The following CD8A variants were observed in gnomAD, a reference collection of about 807,000 sequenced individuals.
The protein encoded by CD8A is T-cell surface glycoprotein CD8 alpha chain.
A neutral mutation model predicts 24.2 loss-of-function variants in CD8A; 25 were observed. That is an observed-to-expected ratio of 1.03 (90% confidence interval 0.75 to 1.44). CD8A has a LOEUF of 1.44. Among genes scored for constraint, CD8A ranks in the 40% most tolerant of loss-of-function variants. The pLI is 0.00. For synonymous variants in CD8A, 165 were observed against 149.9 expected (o/e 1.10, Z -0.74); for missense variants, 360 against 319.7 (o/e 1.13, Z -0.96).
intron 3 of CD8A, among the ~76,000 whole-genome samples, chr2:86,798,701 T>G (rs1673565027): frequency 6.6e-6 from 1 of 151,964 alleles, no homozygotes; most frequent in Non-Finnish European, 1.5e-5. Context: ...TTTTATATTT[T>G]TAGTAGAGAT....
chr2:86,793,243 G>A (rs1316224851), upstream of CD8A, among the ~76,000 whole-genome samples: 4 of 152,192 alleles, frequency 2.6e-5, no homozygotes, highest in African/African-American at 4.8e-5. Flanking sequence ...TGCTGTTAGT[G>A]GACATTTAGG....
upstream of CD8A, among the ~76,000 whole-genome samples, chr2:86,794,110 C>A (rs1381165385): frequency 6.6e-6 from 1 of 152,182 alleles, no homozygotes; most frequent in East Asian, 1.9e-4. Context: ...CTGTCCATCA[C>A]TGCCAGGTAA....
intron 3 of CD8A, among the ~76,000 whole-genome samples, chr2:86,799,145 G>A (rs1019346489): frequency 2.0e-5 from 3 of 152,138 alleles, no homozygotes; most frequent in Non-Finnish European, 4.4e-5. Flanking sequence ...ATAATTTTAA[G>A]GAAATTGTTT....
chr2:86,789,019 G>A (rs1351264201), intron 4 of CD8A, among the ~76,000 whole-genome samples: 1 of 152,222 alleles, frequency 6.6e-6, no homozygotes, highest in African/African-American at 2.4e-5. Context: ...CCCCCTCCCG[G>A]CGGGCGTTTG....
chr2:86,786,786 C>T (rs1005689571), intron 5 of CD8A, among the ~76,000 whole-genome samples: 6 of 151,944 alleles, frequency 3.9e-5, no homozygotes, highest in Admixed American at 1.3e-4. Context: ...TTTGGGAGGC[C>T]AAGGCGGGCG....
chr2:86,786,261 C>T (rs1417298961), intron 5 of CD8A, among the ~76,000 whole-genome samples: 1 of 152,156 alleles, frequency 6.6e-6, no homozygotes, highest in East Asian at 1.9e-4. Flanking sequence ...GGATCTAAAC[C>T]GAGTTAGTCT....
At chr2:86,790,209 A>G in intron 2 of CD8A, 119 bp downstream of exon 2, 3 of 770,814 alleles carry the variant, frequency 3.9e-6, no homozygotes, top group Admixed American at 3.9e-5. Context: ...AAATGGGAAC[A>G]GTATCTAAGT....
At chr2:86,786,496 C>T (rs891464416) in intron 5 of CD8A, among the ~76,000 whole-genome samples, 5 of 152,230 alleles carry the variant, frequency 3.3e-5, no homozygotes, top group African/African-American at 2.4e-5. Context: ...GTCATGTCTG[C>T]ACTCTCAGCC....
At position 86,790,279 on chromosome 2, in the gene CD8A, G is replaced by A. The variant is rs761820696; in HGVS notation, c.403+49C>T. ...GCCCAGGTGTGGAAAACAGGTTGAG[G>A]TGAACCCCAAGCCCCACGCGGAGAG... On this transcript the variant is annotated intron_variant, in intron 2 of 5. Transcript: ENST00000283635. 1.2e-5 allele frequency: 17 copies of A among 1,371,586 alleles called. No homozygotes were observed. In the South Asian group the frequency reaches 2.0e-4, roughly 16 times the overall value. The allele number at this position is 1,371,586 out of a possible 1,614,324, so 85.0% of individuals were successfully genotyped here.
At chr2:86,807,494 G>A (rs55814938) in exon 2 of CD8A, 2,144 of 152,542 alleles carry the variant, frequency 0.014, 46 homozygotes, top group African/African-American at 0.049. Context: ...GCAATGGATA[G>A]GAGCTATGTG....
intron 3 of CD8A, among the ~76,000 whole-genome samples, chr2:86,796,380 C>A (rs1673484350): frequency 6.6e-6 from 1 of 152,140 alleles, no homozygotes; most frequent in Non-Finnish European, 1.5e-5. Flanking sequence ...AGTATAAAAA[C>A]ATATACATCT....
chr2:86,806,491 A>T (rs1408052150), intron 2 of CD8A, among the ~76,000 whole-genome samples: 4 of 152,254 alleles, frequency 2.6e-5, no homozygotes, highest in Non-Finnish European at 5.9e-5. Flanking sequence ...TTGTGGGGAC[A>T]GACTGAAGAG....
chr2:86,799,166 C>A (rs1228081359), intron 3 of CD8A, among the ~76,000 whole-genome samples: 1 of 152,196 alleles, frequency 6.6e-6, no homozygotes, highest in Non-Finnish European at 1.5e-5. Context: ...TCCAGATTCT[C>A]AACTCCCATT....
At chr2:86,793,844 G>A (rs1673393151), upstream of CD8A, among the ~76,000 whole-genome samples, 2 of 152,186 alleles carry the variant, frequency 1.3e-5, no homozygotes, top group Admixed American at 1.3e-4. Flanking sequence ...TTCTAGCCCT[G>A]CAGCTCAGAA....
Position 86,789,244 on chromosome 2 carries a change from G to C in CD8A, c.625+79C>G, listed in dbSNP as rs922958461. ...AAACTCAACCCCAAGCTCCCCCCTC[G>C]CAAGGTCCGCCTGGAGCTAGCAGAG... is the stretch of plus-strand genomic sequence containing the variant. On this transcript the variant is annotated intron_variant, in intron 4 of 5. Transcript: ENST00000283635. The C allele has an allele frequency of 6.3e-6, 6 of 950,328 alleles. No homozygotes were observed. The African/African-American group carries it at 8.0e-5, about 13-fold the overall frequency. 58.9% of individuals were successfully genotyped at this position (950,328 alleles called of 1,614,324 possible).
At chr2:86,797,897 A>T (rs1673534109) in intron 3 of CD8A, among the ~76,000 whole-genome samples, 2 of 152,300 alleles carry the variant, frequency 1.3e-5, no homozygotes, top group South Asian at 4.1e-4. Flanking sequence ...GAAAGATGGT[A>T]AGTTTTTTAA....
Position 86,790,876 on chromosome 2 carries a change from G to A in CD8A, c.-51C>T. ...GCTCGAAGCTCGGGCGCGAGGGGAGGCGCGCGGGAGCCGGTGGGGCGCCGA... is the reference window on the plus strand; with the variant it reads ...GCTCGAAGCTCGGGCGCGAGGGGAGACGCGCGGGAGCCGGTGGGGCGCCGA... On this transcript the variant is annotated 5_prime_UTR_variant, in exon 1 of 6. Coordinates refer to ENST00000283635, the MANE Select transcript of CD8A (RefSeq NM_001768.7). 6.6e-7 allele frequency: 1 copy of A among 1,514,968 alleles called. No homozygotes were observed. The highest frequency in any genetic ancestry group is 8.9e-7 in the Non-Finnish European group (1 of 1,127,558). The allele number at this position is 1,514,968 out of a possible 1,614,324, so 93.8% of individuals were successfully genotyped here.
At chr2:86,789,619 C>G in intron 3 of CD8A, 21 bp downstream of exon 3, 2 of 1,476,450 alleles carry the variant, frequency 1.4e-6, no homozygotes, top group East Asian at 2.5e-5. Context: ...CGCCCCCGCC[C>G]CGGGCCCCCG....
chr2:86,789,947 C>T (rs1249395652), intron 2 of CD8A, among the ~76,000 whole-genome samples, 197 bp from the exon 3 acceptor site: 1 of 151,896 alleles, frequency 6.6e-6, no homozygotes, highest in Non-Finnish European at 1.5e-5. Context: ...CCAGCGCACC[C>T]GGCGCCCAGA....
Sources: gnomAD v4.1 joint callset for allele counts (sites outside exome capture counted in the v4.1 genomes callset) on GRCh38, gnomAD v4.1.1 for gene constraint, MANE v1.5 for transcripts, NCBI Gene and HGNC (gene_info 2026-07-23, HGNC 2026-07-21) for gene names.